Variants in ASB3 observed in about 807,000 individuals in gnomAD.
ASB3 encodes ankyrin repeat and SOCS box protein 3.
A neutral mutation model predicts 54.5 loss-of-function variants in ASB3; 41 were observed. That is an observed-to-expected ratio of 0.75 (90% CI 0.59 to 0.98). ASB3 has a LOEUF of 0.98. Among genes scored for constraint, ASB3 ranks in the 50% least tolerant of loss-of-function variants. The pLI, the probability that ASB3 is intolerant of heterozygous loss-of-function variation, is 0.00. For synonymous variants in ASB3, 266 were observed against 221.2 expected (o/e 1.20, Z -1.80); for missense variants, 733 against 620.0 (o/e 1.18, Z -1.94).
intron 5 of ASB3, 114 bp from the exon 6 acceptor site, chr2:53,716,857 T>A: frequency 8.6e-7 from 1 of 1,160,556 alleles, no homozygotes; most frequent in Non-Finnish European, 1.2e-6. Flanking sequence ...CTTTTCCCTC[T>A]TCACTGAATG....
chr2:53,758,324 T>C (rs929968775), intron 2 of ASB3, among the ~76,000 whole-genome samples: 1 of 152,194 alleles, frequency 6.6e-6, no homozygotes, highest in Non-Finnish European at 1.5e-5. Flanking sequence ...GGCAAGGACT[T>C]AATCCGGGGC....
intron 9 of ASB3, among the ~76,000 whole-genome samples, chr2:53,680,583 T>C (rs1467820426): frequency 6.6e-6 from 1 of 152,222 alleles, no homozygotes; most frequent in Non-Finnish European, 1.5e-5. Context: ...AACTTTTTTA[T>C]TTTTAAATTG....
chr2:53,708,507 T>C (rs1339923251), intron 7 of ASB3, among the ~76,000 whole-genome samples: 2 of 152,180 alleles, frequency 1.3e-5, no homozygotes, highest in African/African-American at 4.8e-5. Context: ...GCTATAAAGA[T>C]ACCTAAAAAT....
intron 3 of ASB3, among the ~76,000 whole-genome samples, chr2:53,734,251 A>G (rs1260317930): frequency 6.6e-6 from 1 of 151,994 alleles, no homozygotes; most frequent in Non-Finnish European, 1.5e-5. Context: ...TGTTCCTCAT[A>G]TTGTCTCTTC....
intron 2 of ASB3, among the ~76,000 whole-genome samples, chr2:53,755,139 T>A (rs139173551): frequency 1.8e-4 from 28 of 152,364 alleles, no homozygotes; most frequent in Non-Finnish European, 3.5e-4. Context: ...ACATTCTTAA[T>A]GGACAAACAC....
At chr2:53,697,761 A>G (rs1669265338) in intron 8 of ASB3, among the ~76,000 whole-genome samples, 1 of 152,174 alleles carries the variant, frequency 6.6e-6, no homozygotes, top group Non-Finnish European at 1.5e-5. Context: ...CTCCAAGATA[A>G]TCTTCCCTGA....
chr2:53,721,027 G>A (rs187433656), intron 5 of ASB3, among the ~76,000 whole-genome samples: 1 of 151,866 alleles, frequency 6.6e-6, no homozygotes, highest in East Asian at 1.9e-4. Context: ...GCTGAGGCAG[G>A]AGAATTGCTT....
At chr2:53,759,187 T>C (rs1327930417) in intron 2 of ASB3, among the ~76,000 whole-genome samples, 1 of 152,178 alleles carries the variant, frequency 6.6e-6, no homozygotes, top group Non-Finnish European at 1.5e-5. Flanking sequence ...GTTCCCAGTG[T>C]AGACCCTCAC....
chr2:53,727,030 T>A (rs1296723243), intron 5 of ASB3, among the ~76,000 whole-genome samples: 2 of 152,026 alleles, frequency 1.3e-5, no homozygotes, highest in African/African-American at 4.8e-5. Flanking sequence ...ATTAGGATAG[T>A]CCTCCGGAAG....
intron 9 of ASB3, among the ~76,000 whole-genome samples, chr2:53,690,057 G>A (rs185564286): frequency 2.6e-4 from 39 of 151,716 alleles, no homozygotes; most frequent in Admixed American, 9.9e-4. Context: ...GTAACATGGC[G>A]AAACCCTGTC....
chr2:53,745,987 A>C (rs1672200823), intron 3 of ASB3, among the ~76,000 whole-genome samples: 1 of 152,194 alleles, frequency 6.6e-6, no homozygotes. Context: ...AGCAGGAATC[A>C]CTATATGGTT....
rs11414333 is a variant in ASB3 at position 53,735,485 on chromosome 2, T to TAA, written c.356-5917_356-5916dup. On this transcript the variant is annotated intron_variant, in intron 3 of 9. Transcript: ENST00000263634. ...AATACTACTGAGAAAAGCAAAGATC[T>TAA]AAAAAAAAAAAAAAAAGTAGAATAC... 8.4e-3 allele frequency among the ~76,000 whole-genome samples: 1,088 copies of TAA among 130,006 alleles called. 23 individuals are homozygous for TAA. Among genetic ancestry groups the TAA allele is most frequent in the African/African-American group, 0.028 (987 of 35,602 alleles). 85.3% of individuals were successfully genotyped at this position (130,006 alleles called of 152,430 possible). A position where few individuals can be genotyped will look rare whatever the true frequency, so the allele number is the denominator to read the frequency against.
intron 9 of ASB3, among the ~76,000 whole-genome samples, chr2:53,677,230 C>T (rs1030986182): frequency 1.3e-5 from 2 of 152,146 alleles, no homozygotes; most frequent in African/African-American, 4.8e-5. Context: ...GTAGGCTCTA[C>T]CATCTAGTTT....
At chr2:53,761,348 A>G (rs1429677911) in intron 2 of ASB3, among the ~76,000 whole-genome samples, 2 of 152,222 alleles carry the variant, frequency 1.3e-5, no homozygotes, top group Non-Finnish European at 1.5e-5. Context: ...CAGGCATTCG[A>G]GCAGGGAGCA....
At position 53,687,935 on chromosome 2, in the gene ASB3, C is replaced by A. The variant is rs187078649; in HGVS notation, c.1369+5949G>T. 7.2e-5 allele frequency among the ~76,000 whole-genome samples: 11 copies of A among 152,254 alleles called. 1 individual carries two copies. The highest frequency in any genetic ancestry group is 2.4e-4 in the African/African-American group (10 of 41,560). On this transcript the variant is annotated intron_variant, in intron 9 of 9. Transcript: ENST00000263634. ...GGCTCAAGCGATCCTCCTGCCTATG[C>A]CTCCCCCAAGCAGCTGGGACTACAG...
chr2:53,687,750 T>G (rs1668705907), intron 9 of ASB3, among the ~76,000 whole-genome samples: 1 of 152,134 alleles, frequency 6.6e-6, no homozygotes, highest in Non-Finnish European at 1.5e-5. Flanking sequence ...AAGTGGTGAG[T>G]TATTGCACCA....
chr2:53,693,925 G>A lies in ASB3; in HGVS notation c.1328C>T (p.Ser443Phe). The A allele has an allele frequency of 6.2e-7, 1 of 1,613,668 alleles. No homozygotes were observed. The highest frequency in any genetic ancestry group is 2.2e-5 in the East Asian group (1 of 44,862). ...AATCCAAGCGTTTGAGGCACGAGCA[G>A]AGAGCATCCTTTCAACAGCTGGTGC... ...TLAPAVERML[S>F]ARASNAWILQ... The change falls in exon 9 of 10, where the codon TCT becomes TTT. Residue 443 changes from serine (S) to phenylalanine (F), a missense_variant. Transcript: ENST00000263634.
chr2:53,784,335 T>C (rs1369860719), intron 1 of ASB3, among the ~76,000 whole-genome samples: 2 of 152,228 alleles, frequency 1.3e-5, no homozygotes, highest in East Asian at 3.8e-4. Flanking sequence ...TGAGGCTGTC[T>C]GTGACACGTC....
intron 9 of ASB3, among the ~76,000 whole-genome samples, chr2:53,686,759 C>G (rs974404212): frequency 6.6e-6 from 1 of 152,096 alleles, no homozygotes; most frequent in African/African-American, 2.4e-5. Flanking sequence ...TCTTGTTGCC[C>G]GGGCTGGAGT....
Sources: allele counts gnomAD v4.1 joint callset (sites outside exome capture counted in the v4.1 genomes callset), GRCh38; gene constraint gnomAD v4.1.1; transcripts MANE v1.5; gene names NCBI Gene and HGNC (gene_info 2026-07-23, HGNC 2026-07-21).